The following NAA35 variants were observed in gnomAD, a reference collection of about 807,000 sequenced individuals.
NAA35 encodes MAK10 homolog, amino-acid N-acetyltransferase subunit.
Under a neutral mutation model 101.7 loss-of-function variants are expected in NAA35, and 18 were observed. That is an observed-to-expected ratio of 0.18 (90% CI 0.12 to 0.26). The LOEUF is 0.26. Ranked by LOEUF, NAA35 falls within the 10% of genes least tolerant of loss-of-function variation. The pLI, the probability that NAA35 is intolerant of heterozygous loss-of-function variation, is 1.00. For synonymous variants in NAA35, 267 were observed against 273.1 expected, an observed-to-expected ratio of 0.98 and a Z score of 0.22; for missense variants, 601 against 886.8, an observed-to-expected ratio of 0.68 and a Z score of 4.09.
chr9:85,941,962 C>G, intron 1 of NAA35, 193 bp from the exon 2 acceptor site: 1 of 1,245,204 alleles, frequency 8.0e-7, no homozygotes, highest in Non-Finnish European at 1.0e-6. Flanking sequence ...TAGTAAGCAG[C>G]AGGAGTGTTA....
intron 3 of NAA35, 22 bp from the exon 4 acceptor site, chr9:85,958,439 AACAATTTGTTG>A: frequency 7.0e-7 from 1 of 1,426,888 alleles, no homozygotes; most frequent in South Asian, 1.2e-5. Flanking sequence ...CTGGCTCAAA[AACAATTTGTTG>A]GCTCAATTTT....
At chr9:86,002,457 A>G (rs1831456231) in intron 12 of NAA35, among the ~76,000 whole-genome samples, 1 of 152,200 alleles carries the variant, frequency 6.6e-6, no homozygotes, top group Admixed American at 6.5e-5. Context: ...ATATTTTCCA[A>G]GATGTTTGCT....
At position 86,022,779 on chromosome 9, in the gene NAA35, C is replaced by T. The variant is rs1313404692; in HGVS notation, c.*819C>T. Among the ~76,000 whole-genome samples the T allele has an allele frequency of 6.6e-6, 1 of 152,188 alleles. No homozygotes were observed. The highest frequency in any genetic ancestry group is 2.1e-4 in the South Asian group (1 of 4,828). On this transcript the variant is annotated 3_prime_UTR_variant, in exon 23 of 23. Transcript: ENST00000361671. ...GAAAAACTGACTACATCCCCCTGTGCTTGCAAGTGCCTGCTGCCAGAGGCC... is the reference window on the plus strand; with the variant it reads ...GAAAAACTGACTACATCCCCCTGTGTTTGCAAGTGCCTGCTGCCAGAGGCC...
intron 17 of NAA35, chr9:86,015,621 A>T: frequency 1.7e-6 from 1 of 602,562 alleles, no homozygotes; most frequent in Non-Finnish European, 2.1e-6. Context: ...GCTGGCCCAG[A>T]GATGACAGTT....
At chr9:85,970,725 A>C (rs1306699668) in intron 6 of NAA35, among the ~76,000 whole-genome samples, 1 of 151,428 alleles carries the variant, frequency 6.6e-6, no homozygotes, top group Admixed American at 6.6e-5. Context: ...AGATACTTCC[A>C]AGTGTCAGAT....
intron 11 of NAA35, among the ~76,000 whole-genome samples, chr9:85,985,031 T>G (rs1461260267): frequency 6.6e-6 from 1 of 152,092 alleles, no homozygotes; most frequent in East Asian, 1.9e-4. Context: ...GATTTGCAAA[T>G]GGACAAAAAG....
intron 13 of NAA35, 68 bp from the exon 14 acceptor site, chr9:86,007,290 A>G (rs1831687218): frequency 2.7e-6 from 3 of 1,131,316 alleles, no homozygotes; most frequent in South Asian, 1.4e-5. Flanking sequence ...ATTTATAAGT[A>G]TACTGATTTT....
intron 6 of NAA35, among the ~76,000 whole-genome samples, chr9:85,971,084 T>C (rs1829978721): frequency 6.6e-6 from 1 of 152,256 alleles, no homozygotes; most frequent in East Asian, 1.9e-4. Context: ...AAACATGCTT[T>C]ACATTCATTT....
intron 2 of NAA35, among the ~76,000 whole-genome samples, chr9:85,953,359 C>A (rs1829105375): frequency 6.6e-6 from 1 of 151,916 alleles, no homozygotes; most frequent in East Asian, 1.9e-4. Context: ...AATTCTCTAT[C>A]CATTAAACAA....
At chr9:85,945,677 C>T (rs1156554409) in intron 2 of NAA35, among the ~76,000 whole-genome samples, 1 of 152,024 alleles carries the variant, frequency 6.6e-6, no homozygotes, top group East Asian at 1.9e-4. Flanking sequence ...CGTCACCACG[C>T]CTGGCTAATT....
intron 6 of NAA35, among the ~76,000 whole-genome samples, chr9:85,967,645 A>G (rs915735426): frequency 1.3e-5 from 2 of 152,064 alleles, no homozygotes; most frequent in Non-Finnish European, 2.9e-5. Context: ...TACTAAAAAT[A>G]CAAAAAATTA....
At chr9:85,941,605 G>C in intron 1 of NAA35, 4 of 986,268 alleles carry the variant, frequency 4.1e-6, no homozygotes, top group Non-Finnish European at 4.8e-6. Flanking sequence ...GCCCGCCTCA[G>C]GTGTGCCTCG....
intron 11 of NAA35, among the ~76,000 whole-genome samples, chr9:85,980,007 G>A (rs1830368453): frequency 2.0e-5 from 3 of 152,108 alleles, no homozygotes; most frequent in African/African-American, 7.2e-5. Flanking sequence ...CTTTAAGTTG[G>A]GATTCCCACG....
At chr9:85,950,999 G>A (rs1490444239) in intron 2 of NAA35, among the ~76,000 whole-genome samples, 3 of 151,896 alleles carry the variant, frequency 2.0e-5, no homozygotes, top group Non-Finnish European at 4.4e-5. Flanking sequence ...TTAGCTGGGC[G>A]TGGCAGTGTG....
intron 9 of NAA35, 141 bp from the exon 10 acceptor site, chr9:85,977,222 G>C (rs149233670): frequency 3.0e-6 from 2 of 660,630 alleles, no homozygotes; most frequent in African/African-American, 3.7e-5. Context: ...TCATTTTTCA[G>C]GCTTTTAAAA....
chr9:86,019,870 T>G (rs1248640629), intron 21 of NAA35, among the ~76,000 whole-genome samples: 3 of 152,196 alleles, frequency 2.0e-5, no homozygotes. Context: ...GAGTATTCAT[T>G]GCAGCAGGAT....
chr9:85,998,457 A>C (rs1004966909), intron 12 of NAA35, among the ~76,000 whole-genome samples: 2 of 152,190 alleles, frequency 1.3e-5, no homozygotes, highest in South Asian at 4.1e-4. Context: ...TAAGATGAAT[A>C]TATTTATAGG....
chr9:85,957,833 G>A (rs779063136), intron 3 of NAA35, among the ~76,000 whole-genome samples: 22 of 152,180 alleles, frequency 1.4e-4, no homozygotes, highest in Non-Finnish European at 2.4e-4. Flanking sequence ...TCTCAGATTT[G>A]AGCGTGTGCC....
At chr9:85,977,683 G>A (rs549843072) in intron 10 of NAA35, among the ~76,000 whole-genome samples, 12 of 152,138 alleles carry the variant, frequency 7.9e-5, no homozygotes, top group Non-Finnish European at 2.9e-5. Flanking sequence ...TTACTTGTAG[G>A]TTGTTATATT....
Sources: allele counts gnomAD v4.1 joint callset (sites outside exome capture counted in the v4.1 genomes callset), GRCh38; gene constraint gnomAD v4.1.1; transcripts MANE v1.5; gene names NCBI Gene and HGNC (gene_info 2026-07-23, HGNC 2026-07-21).